Variants in DCC observed in about 807,000 individuals in gnomAD.
DCC encodes netrin receptor DCC.
DCC carries 58 observed loss-of-function variants against 172.5 expected under a neutral mutation model. The observed-to-expected ratio is 0.34, with a 90% CI of 0.27 to 0.42. The LOEUF is 0.42. Ranked by LOEUF, DCC falls within the 10% of genes least tolerant of loss-of-function variation. The pLI, the probability that DCC is intolerant of heterozygous loss-of-function variation, is 1.00. For synonymous variants in DCC, 709 were observed against 644.5 expected, an observed-to-expected ratio of 1.10 and a Z score of -1.52; for missense variants, 1,740 against 1,791.0, an observed-to-expected ratio of 0.97 and a Z score of 0.51.
chr18:53,369,170 T>G (rs1446468316), intron 15 of DCC, among the ~76,000 whole-genome samples: 1 of 152,078 alleles, frequency 6.6e-6, no homozygotes, highest in African/African-American at 2.4e-5. Context: ...CAGTTAATTT[T>G]GAAGGATTTT....
At chr18:52,844,214 TC>T (rs986775155) in intron 2 of DCC, among the ~76,000 whole-genome samples, 1 of 152,092 alleles carries the variant, frequency 6.6e-6, no homozygotes, top group Non-Finnish European at 1.5e-5. Context: ...CTGTGCCCAA[TC>T]TCCTCTGGGC....
intron 7 of DCC, among the ~76,000 whole-genome samples, chr18:53,134,140 C>T (rs2043702047): frequency 6.6e-6 from 1 of 152,084 alleles, no homozygotes; most frequent in Non-Finnish European, 1.5e-5. Flanking sequence ...TTTTAAATAT[C>T]TATTTACAGC....
chr18:52,778,830 C>T lies in DCC; in HGVS notation c.412+26456C>T, dbSNP rs1434503006. ...ATTTTCCACACTTAGGCATCAAATACACATGGGCATTGTATATGATAGGAG... is the reference window on the plus strand; with the variant it reads ...ATTTTCCACACTTAGGCATCAAATATACATGGGCATTGTATATGATAGGAG... On this transcript the variant is annotated intron_variant, in intron 2 of 28. Coordinates refer to ENST00000442544, the MANE Select transcript of DCC (RefSeq NM_005215.4). Among the ~76,000 whole-genome samples, 3 of 152,272 alleles carry T rather than the reference C, an allele frequency of 2.0e-5. No individual in the cohort carries two copies. The East Asian group carries it at 5.8e-4, about 29-fold the overall frequency.
At chr18:53,065,055 A>G (rs1394519307) in intron 6 of DCC, among the ~76,000 whole-genome samples, 1 of 152,212 alleles carries the variant, frequency 6.6e-6, no homozygotes, top group African/African-American at 2.4e-5. Flanking sequence ...TTGTGCTTAA[A>G]AATATTTCCT....
intron 1 of DCC, among the ~76,000 whole-genome samples, chr18:52,362,122 C>A (rs1256650616): frequency 3.9e-5 from 6 of 152,192 alleles, no homozygotes; most frequent in African/African-American, 1.4e-4. Context: ...CTCATATACA[C>A]CAAATGAACC....
At chr18:52,454,452 A>G (rs999852850) in intron 1 of DCC, among the ~76,000 whole-genome samples, 2 of 152,044 alleles carry the variant, frequency 1.3e-5, no homozygotes, top group African/African-American at 2.4e-5. Flanking sequence ...TATTCTGGCA[A>G]TGAGACAACT....
At chr18:52,513,950 T>G (rs1288414326) in intron 1 of DCC, among the ~76,000 whole-genome samples, 1 of 152,202 alleles carries the variant, frequency 6.6e-6, no homozygotes, top group Non-Finnish European at 1.5e-5. Flanking sequence ...CTTCACAGTC[T>G]ATAGGTATCA....
chr18:53,044,321 C>T (rs1029549075), intron 5 of DCC, among the ~76,000 whole-genome samples: 1 of 151,734 alleles, frequency 6.6e-6, no homozygotes, highest in African/African-American at 2.4e-5. Flanking sequence ...GAAGTGACTG[C>T]ACAGGCCATT....
At chr18:52,822,694 T>C (rs1366941764) in intron 2 of DCC, among the ~76,000 whole-genome samples, 1 of 152,206 alleles carries the variant, frequency 6.6e-6, no homozygotes, top group Non-Finnish European at 1.5e-5. Flanking sequence ...ATGGCACTTC[T>C]TTATCTGCAG....
intron 5 of DCC, among the ~76,000 whole-genome samples, chr18:53,001,203 C>G (rs993543236): frequency 6.6e-6 from 1 of 152,030 alleles, no homozygotes; most frequent in African/African-American, 2.4e-5. Flanking sequence ...TTGGACATTA[C>G]ATAAGAATAT....
chr18:52,621,899 A>C (rs1221387223), intron 1 of DCC, among the ~76,000 whole-genome samples: 1 of 152,196 alleles, frequency 6.6e-6, no homozygotes, highest in East Asian at 1.9e-4. Flanking sequence ...CTCATCCAGA[A>C]TAGTACACAA....
intron 1 of DCC, among the ~76,000 whole-genome samples, chr18:52,382,057 C>G (rs1985609500): frequency 6.6e-6 from 1 of 152,060 alleles, no homozygotes; most frequent in South Asian, 2.1e-4. Flanking sequence ...TCCCTAATAG[C>G]CAAGTCAAAG....
chr18:53,368,873 T>G (rs2144951407), intron 15 of DCC, among the ~76,000 whole-genome samples: 1 of 152,142 alleles, frequency 6.6e-6, no homozygotes, highest in Non-Finnish European at 1.5e-5. Context: ...TCAAAAAGTA[T>G]GCGTCTTCCC....
chr18:53,292,982 A>G (rs1300120019), intron 12 of DCC, among the ~76,000 whole-genome samples: 1 of 152,170 alleles, frequency 6.6e-6, no homozygotes, highest in African/African-American at 2.4e-5. Flanking sequence ...TACTACTCCT[A>G]CTGCAAATCA....
At chr18:52,846,172 T>C (rs1215185441) in intron 2 of DCC, among the ~76,000 whole-genome samples, 1 of 152,116 alleles carries the variant, frequency 6.6e-6, no homozygotes, top group East Asian at 1.9e-4. Context: ...CAAAGAAAAG[T>C]ACCGTTAAAT....
intron 15 of DCC, among the ~76,000 whole-genome samples, chr18:53,380,953 A>T (rs1907681794): frequency 6.6e-6 from 1 of 152,188 alleles, no homozygotes; most frequent in South Asian, 2.1e-4. Context: ...ATAATTCATT[A>T]ATCCAACAGA....
chr18:52,425,912 A>C (rs191449882), intron 1 of DCC, among the ~76,000 whole-genome samples: 1 of 152,264 alleles, frequency 6.6e-6, no homozygotes, highest in East Asian at 1.9e-4. Flanking sequence ...CATACATTAC[A>C]GTCAATAAAT....
At chr18:53,078,527 T>C (rs997086280) in intron 7 of DCC, among the ~76,000 whole-genome samples, 8 of 152,280 alleles carry the variant, frequency 5.3e-5, no homozygotes, top group African/African-American at 1.9e-4. Context: ...TTCTATTGTA[T>C]TGAAAAGCTC....
chr18:53,474,406 G>T (rs2045736334), intron 25 of DCC, among the ~76,000 whole-genome samples: 1 of 152,072 alleles, frequency 6.6e-6, no homozygotes, highest in African/African-American at 2.4e-5. Context: ...TAATCCATGG[G>T]GTTTAATATG....
Sources: allele counts gnomAD v4.1 joint callset (sites outside exome capture counted in the v4.1 genomes callset), GRCh38; gene constraint gnomAD v4.1.1; transcripts MANE v1.5; gene names NCBI Gene and HGNC (gene_info 2026-07-23, HGNC 2026-07-21).